LYPD8: variants seen among roughly 807,000 people sequenced by gnomAD.
LYPD8 encodes the protein ly6/PLAUR domain-containing protein 8.
LYPD8 carries 8 observed loss-of-function variants against 1.7 expected under a neutral mutation model. The observed-to-expected ratio is 4.58, with a 90% confidence interval of 2.69 to 8.27. The LOEUF (loss-of-function observed/expected upper bound fraction) is 8.27. Among genes scored for constraint, LYPD8 ranks in the 30% most tolerant of loss-of-function variants. LYPD8 has a pLI of 0.00. For synonymous variants in LYPD8, 50 were observed against 43.6 expected, an observed-to-expected ratio of 1.15 and a Z score of -0.58; for missense variants, 112 against 102.3, an observed-to-expected ratio of 1.09 and a Z score of -0.41.
chr1:248,753,858 A>T (rs1238549688), intron 2 of LYPD8, among the ~76,000 whole-genome samples: 2 of 148,940 alleles, frequency 1.3e-5, no homozygotes, highest in African/African-American at 5.0e-5. Flanking sequence ...CACATGACAC[A>T]TACACCACAC....
chr1:248,754,464 CCAT>C (rs1440744720), intron 2 of LYPD8, among the ~76,000 whole-genome samples: 10 of 151,014 alleles, frequency 6.6e-5, no homozygotes, highest in African/African-American at 1.7e-4. Context: ...CCCACACACA[CCAT>C]ATCACACACA....
At chr1:248,753,486 CATCACACAACACACAACACAA>C (rs1662866831) in intron 2 of LYPD8, among the ~76,000 whole-genome samples, 1 of 119,684 alleles carries the variant, frequency 8.4e-6, no homozygotes, top group African/African-American at 3.3e-5. Flanking sequence ...ATCACACACA[CATCACACAACACACAACACAA>C]CACACACATC....
chr1:248,748,381 G>T lies in LYPD8; in HGVS notation c.245C>A (p.Ala82Asp). ...TTCAGCAGACACGTGGACAGTGAAGGCTGTAATGTGTGTCTCCTCACTGCA... is the reference window on the plus strand; with the variant it reads ...TTCAGCAGACACGTGGACAGTGAAGTCTGTAATGTGTGTCTCCTCACTGCA... ...ENCSEETHITAFTVHVSAEEH... is the reference protein window; with the variant it reads ...ENCSEETHITDFTVHVSAEEH... The change falls in exon 5 of 7, where the codon GCC becomes GAC. Residue 82 changes from alanine to aspartate, a missense_variant. Physicochemically the swap from Ala to Asp is moderately radical, Grantham distance 126 (BLOSUM62 -2). Transcript: ENST00000590317. 2.3e-6 allele frequency: 1 copy of T among 443,234 alleles called. No individual in the cohort carries two copies. 27.5% of individuals were successfully genotyped at this position (443,234 alleles called of 1,614,324 possible).
chr1:248,750,480 G>A, intron 4 of LYPD8, 44 bp downstream of exon 4: 6 of 398,556 alleles, frequency 1.5e-5, no homozygotes. Context: ...CTCCCTCCCG[G>A]TGCAAGCCCC....
chr1:248,743,959 GGTT>G (rs1662673278), intron 6 of LYPD8, among the ~76,000 whole-genome samples: 1 of 152,172 alleles, frequency 6.6e-6, no homozygotes. Context: ...AGGCTTTGGA[GGTT>G]GTTCTTTAAC....
chr1:248,751,886 C>A (rs1003189767), intron 2 of LYPD8, among the ~76,000 whole-genome samples: 2 of 152,150 alleles, frequency 1.3e-5, no homozygotes, highest in Admixed American at 6.5e-5. Flanking sequence ...TCACCAATGT[C>A]TCTGCACCTT....
chr1:248,740,605 C>A (rs770115485), intron 6 of LYPD8, among the ~76,000 whole-genome samples: 1 of 152,202 alleles, frequency 6.6e-6, no homozygotes, highest in Non-Finnish European at 1.5e-5. Context: ...TGAAGTGACT[C>A]CACTCACCAC....
At position 248,752,833 on chromosome 1, in the gene LYPD8, CACACCCCACACACACACA is replaced by C. The variant is rs1662834257; in HGVS notation, c.-49-1721_-49-1704del. ...CACACACACATCACATCACACACAC[CACACCCCACACACACACA>C]CCACACCACACACACACCACACACC... is the stretch of plus-strand genomic sequence containing the variant. On this transcript the variant is annotated intron_variant, in intron 2 of 6. Transcript: ENST00000590317. Among the ~76,000 whole-genome samples, 8 of 114,626 alleles carry C rather than the reference CACACCCCACACACACACA, an allele frequency of 7.0e-5. 1 individual carries two copies. The highest frequency in any genetic ancestry group is 1.9e-4 in the African/African-American group (5 of 26,750). The allele number at this position is 114,626 out of a possible 152,430, so 75.2% of individuals were successfully genotyped here. A position where few individuals can be genotyped will look rare whatever the true frequency, so the allele number is the denominator to read the frequency against.
At chr1:248,741,497 G>A (rs782655232) in intron 6 of LYPD8, among the ~76,000 whole-genome samples, 8 of 152,148 alleles carry the variant, frequency 5.3e-5, no homozygotes, top group African/African-American at 1.4e-4. Context: ...GTGAGCCACC[G>A]CACCTGGCCA....
At chr1:248,753,905 C>T (rs1662882429) in intron 2 of LYPD8, among the ~76,000 whole-genome samples, 1 of 148,822 alleles carries the variant, frequency 6.7e-6, no homozygotes, top group African/African-American at 2.5e-5. Flanking sequence ...CATCACATGT[C>T]ATACATACTA....
intron 2 of LYPD8, among the ~76,000 whole-genome samples, chr1:248,752,841 ACACACACACAC>A (rs1662834732): frequency 1.2e-5 from 1 of 83,178 alleles, no homozygotes; most frequent in Non-Finnish European, 2.2e-5. Context: ...ACCACACCCC[ACACACACACAC>A]CACACCACAC....
Position 248,739,492 on chromosome 1 carries a change from C to A in LYPD8, c.*119G>T. 7.2e-7 allele frequency: 1 copy of A among 1,391,664 alleles called. No individual in the cohort carries two copies. Among genetic ancestry groups the A allele is most frequent in the African/African-American group, 1.4e-5 (1 of 69,128 alleles). The allele number at this position is 1,391,664 out of a possible 1,614,324, so 86.2% of individuals were successfully genotyped here. A position where few individuals can be genotyped will look rare whatever the true frequency, so the allele number is the denominator to read the frequency against. On this transcript the variant is annotated 3_prime_UTR_variant, in exon 7 of 7. Coordinates refer to ENST00000590317, the MANE Select transcript of LYPD8 (RefSeq NM_001085474.2). This position sits in a 1 kb window ranked among gnomAD's most constrained non-coding sequence, Gnocchi z 4.3. ...GGCATTGCCTGGAGACCTGTGACTC[C>A]CACTTACTGGGCAGTTAAACGGGGC...
intron 2 of LYPD8, among the ~76,000 whole-genome samples, chr1:248,752,845 AC>A (rs1662835075): frequency 3.0e-5 from 3 of 99,782 alleles, no homozygotes; most frequent in Non-Finnish European, 5.8e-5. Flanking sequence ...CACCCCACAC[AC>A]ACACACCACA....
intron 2 of LYPD8, among the ~76,000 whole-genome samples, chr1:248,752,812 CACACATCACATCACA>C (rs1662832972): frequency 3.5e-5 from 4 of 113,642 alleles, no homozygotes; most frequent in Non-Finnish European, 5.3e-5. Flanking sequence ...CCACAACACA[CACACATCACATCACA>C]CACACCACAC....
chr1:248,752,857 CCACA>C lies in LYPD8; in HGVS notation c.-49-1731_-49-1728del, dbSNP rs1290665868. On this transcript the variant is annotated intron_variant, in intron 2 of 6. Transcript: ENST00000590317. ...CCACACCCCACACACACACACCACA[CCACA>C]CACACACCACACACCCCACACAACA... 7.8e-4 allele frequency among the ~76,000 whole-genome samples: 78 copies of C among 100,078 alleles called. 1 individual carries two copies. Among genetic ancestry groups the C allele is most frequent in the African/African-American group, 1.9e-3 (41 of 21,778 alleles). 65.7% of individuals were successfully genotyped at this position (100,078 alleles called of 152,430 possible).
At chr1:248,752,895 CATCACA>C (rs1558208742) in intron 2 of LYPD8, among the ~76,000 whole-genome samples, 1 of 106,300 alleles carries the variant, frequency 9.4e-6, no homozygotes, top group Non-Finnish European at 1.9e-5. Flanking sequence ...CACATACACA[CATCACA>C]CACACCCCAC....
Position 248,751,147 on chromosome 1 carries a change from A to G in LYPD8, c.-49-17T>C. 2.5e-6 allele frequency: 1 copy of G among 398,520 alleles called. No individual in the cohort carries two copies. The highest frequency in any genetic ancestry group is 4.4e-6 in the Non-Finnish European group (1 of 226,040). The allele number at this position is 398,520 out of a possible 1,614,324, so 24.7% of individuals were successfully genotyped here. A position where few individuals can be genotyped will look rare whatever the true frequency, so the allele number is the denominator to read the frequency against. On this transcript the variant is annotated splice_polypyrimidine_tract_variant and intron_variant, in intron 2 of 6. Coordinates refer to ENST00000590317, the MANE Select transcript of LYPD8 (RefSeq NM_001085474.2). ...GCCTCAAGCCTGAAAAGACACAAAG[A>G]AGGCAGCCCCGGGGCCTTGGAGGGC...
At position 248,752,936 on chromosome 1, in the gene LYPD8, A is replaced by ACCC. The variant is rs1662840533; in HGVS notation, c.-49-1807_-49-1806insGGG. ...CACACCAACACACCACATCACACAC[A>ACCC]CACCACATCACACACACACCAAACA... On this transcript the variant is annotated intron_variant, in intron 2 of 6. Transcript: ENST00000590317. Among the ~76,000 whole-genome samples the ACCC allele has an allele frequency of 1.8e-3, 182 of 103,278 alleles. 7 individuals are homozygous for ACCC. Among genetic ancestry groups the ACCC allele is most frequent in the African/African-American group, 4.5e-3 (99 of 21,936 alleles). 67.8% of individuals were successfully genotyped at this position (103,278 alleles called of 152,430 possible).
At chr1:248,753,044 ACAT>A (rs1662845726) in intron 2 of LYPD8, among the ~76,000 whole-genome samples, 1 of 95,680 alleles carries the variant, frequency 1.0e-5, no homozygotes, top group Non-Finnish European at 2.0e-5. Context: ...CACCACACAC[ACAT>A]CACACACACA....
Sources: gnomAD v4.1 joint callset for allele counts (sites outside exome capture counted in the v4.1 genomes callset) on GRCh38, gnomAD v4.1.1 for gene constraint, Gnocchi (gnomAD v3.1) non-coding constraint, MANE v1.5 for transcripts, NCBI Gene and HGNC (gene_info 2026-07-23, HGNC 2026-07-21) for gene names.